HIVEP3: variants seen among roughly 807,000 people sequenced by gnomAD.
HIVEP3 encodes HIVEP zinc finger 3, also known as transcription factor HIVEP3.
HIVEP3 carries 49 observed loss-of-function variants against 152.8 expected under a neutral mutation model. The observed-to-expected ratio is 0.32, with a 90% CI of 0.26 to 0.41. HIVEP3 has a LOEUF of 0.41. Ranked by LOEUF, HIVEP3 falls within the 10% of genes least tolerant of loss-of-function variation. The probability of loss-of-function intolerance (pLI) is 1.00; values close to 1 mark genes in which losing one functional copy is unlikely to be tolerated. For missense variants in HIVEP3, 2,790 were observed against 3,103.3 expected (o/e 0.90, Z 2.40); for synonymous variants, 1,269 against 1,289.0 (o/e 0.98, Z 0.33).
chr1:41,528,075 C>T (rs1185924806), intron 5 of HIVEP3, among the ~76,000 whole-genome samples: 1 of 123,494 alleles, frequency 8.1e-6, no homozygotes, highest in Non-Finnish European at 1.7e-5. Context: ...CACACTCATA[C>T]CCTTGCCCTC....
chr1:41,695,201 T>C (rs957996961), intron 2 of HIVEP3, among the ~76,000 whole-genome samples: 4 of 152,074 alleles, frequency 2.6e-5, no homozygotes, highest in African/African-American at 9.7e-5. Context: ...GGGGAGGTGG[T>C]GGACTCGCCA....
intron 1 of HIVEP3, among the ~76,000 whole-genome samples, chr1:41,926,034 T>C (rs1644966628): frequency 6.6e-6 from 1 of 152,178 alleles, no homozygotes; most frequent in African/African-American, 2.4e-5. Flanking sequence ...GTGGACCTGA[T>C]AGCCATGTGG....
At chr1:41,808,914 T>A (rs1286474803) in intron 1 of HIVEP3, among the ~76,000 whole-genome samples, 3 of 152,258 alleles carry the variant, frequency 2.0e-5, no homozygotes, top group African/African-American at 7.2e-5. Flanking sequence ...ATGTGTTCTA[T>A]GATTTAATTC....
chr1:41,710,342 GT>G (rs1457017748), intron 1 of HIVEP3, among the ~76,000 whole-genome samples: 1 of 152,154 alleles, frequency 6.6e-6, no homozygotes, highest in African/African-American at 2.4e-5. Context: ...GAGCAAGGGT[GT>G]TCTGTCATCC....
chr1:41,730,938 C>A (rs1646830849), intron 1 of HIVEP3, among the ~76,000 whole-genome samples: 1 of 152,174 alleles, frequency 6.6e-6, no homozygotes, highest in Admixed American at 6.5e-5. Context: ...AAGGACGCAA[C>A]TCCCACAGCC....
At chr1:41,862,520 ACCT>A (rs1215304611) in intron 1 of HIVEP3, among the ~76,000 whole-genome samples, 3 of 151,210 alleles carry the variant, frequency 2.0e-5, no homozygotes, top group Non-Finnish European at 2.9e-5. Flanking sequence ...GCCACCCAGC[ACCT>A]CCTCTGCCTC....
chr1:41,638,142 A>C (rs1645305745), intron 2 of HIVEP3, among the ~76,000 whole-genome samples: 1 of 152,116 alleles, frequency 6.6e-6, no homozygotes, highest in South Asian at 2.1e-4. Context: ...AAAAACCCAC[A>C]CTTCACCGCT....
intron 3 of HIVEP3, among the ~76,000 whole-genome samples, chr1:41,627,005 G>C (rs528174723): frequency 6.6e-6 from 1 of 152,198 alleles, no homozygotes; most frequent in Non-Finnish European, 1.5e-5. Context: ...GACTCACTGA[G>C]GTTTGGGAAG....
intron 1 of HIVEP3, among the ~76,000 whole-genome samples, chr1:41,974,419 T>C (rs12081946): frequency 6.7e-6 from 1 of 150,018 alleles, no homozygotes; most frequent in Non-Finnish European, 1.5e-5. Context: ...GGTTTCAGCA[T>C]GCTATCACAC....
At chr1:41,819,224 T>C (rs553311250) in intron 1 of HIVEP3, among the ~76,000 whole-genome samples, 3 of 152,300 alleles carry the variant, frequency 2.0e-5, no homozygotes, top group African/African-American at 4.8e-5. Context: ...CAGAGACTAA[T>C]AAAATGAATA....
intron 1 of HIVEP3, among the ~76,000 whole-genome samples, chr1:41,739,505 A>G (rs1435862572): frequency 6.6e-6 from 1 of 152,182 alleles, no homozygotes; most frequent in East Asian, 1.9e-4. Flanking sequence ...AGATGGGAAC[A>G]CCGAGACTCA....
At chr1:41,530,841 GGA>G (rs201817829) in intron 5 of HIVEP3, among the ~76,000 whole-genome samples, 1 of 152,158 alleles carries the variant, frequency 6.6e-6, no homozygotes, top group East Asian at 1.9e-4. Context: ...CTTTCCAAAT[GGA>G]GAGAGAGAGA....
rs538501841 is a variant in HIVEP3, at chr1:41,513,817, C to T, written c.5471-67G>A. ...TGGCCCCACTGCCCACACGGCTGCT[C>T]CTCTCTGAGCCCCAGTTTCCTTGCC... On this transcript the variant is annotated intron_variant, in intron 7 of 8. Coordinates refer to ENST00000372583, the MANE Select transcript of HIVEP3 (RefSeq NM_024503.5). The T allele has an allele frequency of 1.0e-3, 1,352 of 1,298,794 alleles. 5 individuals are homozygous for T. Among genetic ancestry groups the T allele is most frequent in the Admixed American group, 1.5e-3 (47 of 31,980 alleles). The allele number at this position is 1,298,794 out of a possible 1,614,324, so 80.5% of individuals were successfully genotyped here.
At chr1:41,620,968 A>G (rs1645038906) in intron 3 of HIVEP3, among the ~76,000 whole-genome samples, 1 of 152,158 alleles carries the variant, frequency 6.6e-6, no homozygotes, top group Admixed American at 6.5e-5. Flanking sequence ...TTGGGAGAGG[A>G]AGCCTGTTCC....
intron 1 of HIVEP3, among the ~76,000 whole-genome samples, chr1:41,714,691 C>T (rs12094414): frequency 0.068 from 10,376 of 152,156 alleles, 1,194 homozygotes; most frequent in African/African-American, 0.24. Flanking sequence ...GGGCTTGGCC[C>T]CTGGGAGAGA....
chr1:41,687,283 G>A (rs939657408), intron 2 of HIVEP3, among the ~76,000 whole-genome samples: 2 of 152,210 alleles, frequency 1.3e-5, no homozygotes, highest in Non-Finnish European at 1.5e-5. Context: ...GAGACAGGAA[G>A]CTATGGGGGG....
At chr1:41,999,654 G>C (rs1645415872) in intron 1 of HIVEP3, among the ~76,000 whole-genome samples, 1 of 152,172 alleles carries the variant, frequency 6.6e-6, no homozygotes, top group Non-Finnish European at 1.5e-5. Context: ...TGAGCAGCAA[G>C]ATCAAAGATG....
intron 3 of HIVEP3, among the ~76,000 whole-genome samples, chr1:41,603,887 C>T (rs964728175): frequency 1.4e-4 from 21 of 152,166 alleles, no homozygotes; most frequent in African/African-American, 4.8e-4. Flanking sequence ...TGTTGATCTT[C>T]TGTGTTGATA....
intron 1 of HIVEP3, among the ~76,000 whole-genome samples, chr1:41,802,186 T>C (rs1425409838): frequency 1.3e-5 from 2 of 152,228 alleles, no homozygotes; most frequent in Non-Finnish European, 2.9e-5. Flanking sequence ...CAGACTCAGC[T>C]ACTACCTAGC....
Sources: allele counts gnomAD v4.1 joint callset (sites outside exome capture counted in the v4.1 genomes callset), GRCh38; gene constraint gnomAD v4.1.1; transcripts MANE v1.5; gene names NCBI Gene and HGNC (gene_info 2026-07-23, HGNC 2026-07-21).